Variants in ARHGAP15 observed in about 807,000 individuals in gnomAD.
ARHGAP15 encodes rho GTPase-activating protein 15.
Under a neutral mutation model 63.7 loss-of-function variants are expected in ARHGAP15, and 51 were observed. The observed-to-expected ratio is 0.80, with a 90% CI of 0.64 to 1.01. ARHGAP15 has a LOEUF of 1.01. Among genes scored for constraint, ARHGAP15 ranks in the 50% least tolerant of loss-of-function variants. ARHGAP15 has a pLI of 0.00. For missense variants in ARHGAP15, 560 were observed against 564.6 expected, an observed-to-expected ratio of 0.99 and a Z score of 0.08; for synonymous variants, 191 against 193.8, an observed-to-expected ratio of 0.99 and a Z score of 0.12.
At chr2:143,727,517 G>A (rs192578440) in intron 13 of ARHGAP15, among the ~76,000 whole-genome samples, 51 of 152,318 alleles carry the variant, frequency 3.3e-4, no homozygotes, top group Admixed American at 1.4e-3. Context: ...TAGCTAGAAT[G>A]AGATTTGAAT....
At chr2:143,202,094 A>T in intron 2 of ARHGAP15, 40 bp from the exon 3 acceptor site, 1 of 1,530,802 alleles carries the variant, frequency 6.5e-7, no homozygotes, top group Non-Finnish European at 9.0e-7. Context: ...CTCTATCAAG[A>T]AAAATTATGT....
chr2:143,511,190 T>C (rs562445035), intron 9 of ARHGAP15, among the ~76,000 whole-genome samples: 1 of 152,376 alleles, frequency 6.6e-6, no homozygotes, highest in South Asian at 2.1e-4. Context: ...CACCATTCTC[T>C]AGTTAAACAC....
intron 12 of ARHGAP15, among the ~76,000 whole-genome samples, chr2:143,650,235 T>C (rs1157942448): frequency 6.6e-6 from 1 of 151,910 alleles, no homozygotes; most frequent in Non-Finnish European, 1.5e-5. Context: ...GTGAAGTGTC[T>C]ATTTTTATTA....
chr2:143,763,356 C>A (rs1316093949), intron 13 of ARHGAP15, among the ~76,000 whole-genome samples: 1 of 152,056 alleles, frequency 6.6e-6, no homozygotes, highest in Non-Finnish European at 1.5e-5. Context: ...TTTATAACAG[C>A]ATTAATACAT....
intron 11 of ARHGAP15, among the ~76,000 whole-genome samples, chr2:143,613,212 C>G (rs1394904189): frequency 1.3e-5 from 2 of 152,130 alleles, no homozygotes; most frequent in Non-Finnish European, 2.9e-5. Context: ...TTTCCCTCAT[C>G]ATAAAGATGA....
chr2:143,150,233 T>G (rs1689762570), intron 1 of ARHGAP15, among the ~76,000 whole-genome samples: 2 of 152,004 alleles, frequency 1.3e-5, no homozygotes, highest in Admixed American at 1.3e-4. Flanking sequence ...ATGCTGTTGA[T>G]GTGAAAGAGA....
intron 10 of ARHGAP15, among the ~76,000 whole-genome samples, chr2:143,548,347 A>G (rs1027185452): frequency 6.6e-5 from 10 of 152,052 alleles, no homozygotes; most frequent in Admixed American, 2.0e-4. Context: ...CCTTCTTCTT[A>G]GTATATATGT....
chr2:143,174,796 T>C (rs1036261749), intron 2 of ARHGAP15, among the ~76,000 whole-genome samples: 1 of 152,182 alleles, frequency 6.6e-6, no homozygotes, highest in South Asian at 2.1e-4. Context: ...TTCTTTCATA[T>C]TCACATTTCC....
Position 143,439,691 on chromosome 2 carries a change from A to G in ARHGAP15, c.703+2649A>G, listed in dbSNP as rs1574452735. Among the ~76,000 whole-genome samples the G allele has an allele frequency of 2.0e-5, 3 of 152,144 alleles. No homozygotes were observed. In the South Asian group the frequency reaches 6.2e-4, roughly 32 times the overall value. ...GGAGAAAACTGAGGCATGAAGAACT[A>G]AGGTAATTTGTACAAAGACAAGTTA... On this transcript the variant is annotated intron_variant, in intron 8 of 13. Coordinates refer to ENST00000295095, the MANE Select transcript of ARHGAP15 (RefSeq NM_018460.4).
intron 9 of ARHGAP15, 127 bp downstream of exon 9, chr2:143,487,622 C>A: frequency 9.0e-7 from 1 of 1,111,136 alleles, no homozygotes; most frequent in Non-Finnish European, 1.2e-6. Context: ...AAATTTTCTA[C>A]TCTGTAACAG....
chr2:143,765,130 TG>T (rs1686905833), intron 13 of ARHGAP15, among the ~76,000 whole-genome samples: 2 of 151,812 alleles, frequency 1.3e-5, no homozygotes, highest in Non-Finnish European at 2.9e-5. Flanking sequence ...TGTGTGTGTG[TG>T]TGTGTGTGTG....
intron 12 of ARHGAP15, among the ~76,000 whole-genome samples, chr2:143,659,287 T>C (rs975731585): frequency 6.6e-6 from 1 of 152,214 alleles, no homozygotes; most frequent in African/African-American, 2.4e-5. Context: ...GGGGATCTAA[T>C]ATGCGGCATA....
At chr2:143,335,372 T>A (rs1164228486) in intron 6 of ARHGAP15, among the ~76,000 whole-genome samples, 1 of 152,196 alleles carries the variant, frequency 6.6e-6, no homozygotes, top group Non-Finnish European at 1.5e-5. Flanking sequence ...AATACTGTTT[T>A]AAGTAAAAAT....
intron 12 of ARHGAP15, among the ~76,000 whole-genome samples, chr2:143,662,203 A>C (rs1248885019): frequency 6.6e-5 from 10 of 152,144 alleles, no homozygotes; most frequent in Non-Finnish European, 1.3e-4. Flanking sequence ...TTCTCCCAGC[A>C]TGCAGCTGGA....
intron 8 of ARHGAP15, among the ~76,000 whole-genome samples, chr2:143,453,443 A>G (rs72853755): frequency 0.095 from 14,486 of 152,058 alleles, 864 homozygotes; most frequent in African/African-American, 0.17. Context: ...TAAGTAATGT[A>G]ACGTTTATAG....
At chr2:143,713,834 G>A (rs537859187) in intron 13 of ARHGAP15, among the ~76,000 whole-genome samples, 94 of 152,332 alleles carry the variant, frequency 6.2e-4, no homozygotes, top group African/African-American at 2.2e-3. Flanking sequence ...TGATACAAGA[G>A]GTGGGTTCCC....
chr2:143,177,750 A>G (rs1467427030), intron 2 of ARHGAP15, among the ~76,000 whole-genome samples: 3 of 152,322 alleles, frequency 2.0e-5, no homozygotes, highest in South Asian at 4.1e-4. Context: ...CAGAGCCTAC[A>G]TGACATGTAT....
intron 6 of ARHGAP15, among the ~76,000 whole-genome samples, chr2:143,328,538 A>G (rs1684358367): frequency 6.6e-6 from 1 of 152,128 alleles, no homozygotes. Flanking sequence ...GAACAATGAG[A>G]ACACATGGAC....
intron 6 of ARHGAP15, among the ~76,000 whole-genome samples, chr2:143,419,581 T>A (rs1346731132): frequency 6.6e-6 from 1 of 151,360 alleles, no homozygotes; most frequent in Admixed American, 6.6e-5. Flanking sequence ...AAAGCCTTCA[T>A]GATATGTTAA....
Sources: gnomAD v4.1 joint callset for allele counts (sites outside exome capture counted in the v4.1 genomes callset) on GRCh38, gnomAD v4.1.1 for gene constraint, MANE v1.5 for transcripts, NCBI Gene and HGNC (gene_info 2026-07-23, HGNC 2026-07-21) for gene names.